Variants in LRRC2 observed in about 807,000 individuals in gnomAD.
LRRC2 encodes the protein leucine rich repeat containing 2.
A neutral mutation model predicts 40.2 loss-of-function variants in LRRC2; 27 were observed. The observed-to-expected ratio is 0.67, with a 90% confidence interval of 0.49 to 0.93. LRRC2 has a LOEUF of 0.93. LRRC2 is among the 40% of genes least tolerant of loss of function. The pLI is 0.00. For missense variants in LRRC2, 402 were observed against 439.6 expected (o/e 0.91, Z 0.76); for synonymous variants, 147 against 158.9 (o/e 0.92, Z 0.56).
chr3:46,534,423 C>CCTTCCTTT (rs1704231521), intron 4 of LRRC2, among the ~76,000 whole-genome samples: 5 of 101,022 alleles, frequency 4.9e-5, no homozygotes, highest in Admixed American at 9.7e-5. Context: ...TTCCTTCCTT[C>CCTTCCTTT]CTTTCTTTCT....
Position 46,527,564 on chromosome 3 carries a change from C to A in LRRC2, c.791G>T (p.Ser264Ile). 1 of 1,614,004 alleles carries A rather than the reference C, an allele frequency of 6.2e-7. No individual in the cohort carries two copies. Among genetic ancestry groups the A allele is most frequent in the African/African-American group, 1.3e-5 (1 of 75,028 alleles). ...CAACTTGTTTTTATACAAGAGAAAG[C>A]TCTGCAGCTCCTCTAGCCTAAGAAG... is the stretch of plus-strand genomic sequence containing the variant. ...QDIDRLEELQ[S>I]FLLYKNKLTY... The change falls in exon 7 of 9, where the codon AGC becomes ATC. Residue 264 changes from serine (S) to isoleucine (I), a missense_variant. Physicochemically the swap from Ser to Ile is moderately radical, Grantham distance 142. Transcript: ENST00000395905.
In LRRC2 at chr3:46,541,344, A is replaced by G. The variant is rs373030828; in HGVS notation, c.334-2143T>C. On this transcript the variant is annotated intron_variant, in intron 3 of 8. Coordinates refer to ENST00000395905, the MANE Select transcript of LRRC2 (RefSeq NM_024512.5). The stretch of plus-strand genomic sequence containing the variant: ...CGAGACTCCGTCTCAAAAAAAAAAA[A>G]AAAAGAAAAGAAAAGAAAAATATTA... Among the ~76,000 whole-genome samples the G allele has an allele frequency of 6.5e-4, 99 of 151,800 alleles. 1 individual carries two copies. Among genetic ancestry groups the G allele is most frequent in the African/African-American group, 1.8e-3 (75 of 41,348 alleles).
At chr3:46,530,617 A>G (rs1704142418) in intron 5 of LRRC2, among the ~76,000 whole-genome samples, 7 of 152,218 alleles carry the variant, frequency 4.6e-5, no homozygotes, top group Admixed American at 4.6e-4. Flanking sequence ...ATAGGTCCAC[A>G]TTGCTGGGGA....
chr3:46,529,710 C>A (rs1170202830), intron 6 of LRRC2, among the ~76,000 whole-genome samples, 195 bp downstream of exon 6: 1 of 152,180 alleles, frequency 6.6e-6, no homozygotes, highest in Non-Finnish European at 1.5e-5. Context: ...TGCACGTAAA[C>A]ACATACATGT....
intron 2 of LRRC2, among the ~76,000 whole-genome samples, chr3:46,546,641 T>C (rs1559416939): frequency 1.3e-5 from 2 of 151,778 alleles, no homozygotes. Context: ...AAATAATTCT[T>C]ATCCATAAAC....
rs954291730 is a variant in LRRC2, at chr3:46,515,471, T to C, written c.*3543A>G. ...CTGCCATGTAAATAACCTTTCCAAA[T>C]TATGTATCAGTCTATTTGCATCATG... On this transcript the variant is annotated 3_prime_UTR_variant, in exon 9 of 9. Transcript: ENST00000395905. 17 of 152,320 alleles carry C rather than the reference T, an allele frequency of 1.1e-4. No individual in the cohort carries two copies. Among genetic ancestry groups the C allele is most frequent in the Admixed American group, 2.0e-4 (3 of 15,296 alleles). 9.4% of individuals were successfully genotyped at this position (152,320 alleles called of 1,614,324 possible).
intron 3 of LRRC2, among the ~76,000 whole-genome samples, chr3:46,540,130 G>A (rs984501310): frequency 6.6e-6 from 1 of 152,246 alleles, no homozygotes; most frequent in Non-Finnish European, 1.5e-5. Context: ...CTTGGTACTT[G>A]TAATGTGCTT....
Position 46,529,961 on chromosome 3 carries a change from C to G in LRRC2, c.717G>C (p.Leu239Phe), listed in dbSNP as rs771012336. ...VPICVLRMSN[L>F]QWLDISSNNL... ...TATTGCTGCTGATATCCAACCACTG[C>G]AAATTCGACATCCGCAGGACACAGA... Residue 239 changes from leucine (L) to phenylalanine (F), a missense_variant, in exon 6 of 9, where the codon TTG (leucine) becomes TTC (phenylalanine). Leu to Phe is a conservative substitution (Grantham distance 22). Coordinates refer to ENST00000395905, the MANE Select transcript of LRRC2 (RefSeq NM_024512.5). 6.2e-7 allele frequency: 1 copy of G among 1,614,032 alleles called. No individual in the cohort carries two copies. The highest frequency in any genetic ancestry group is 1.3e-5 in the African/African-American group (1 of 74,948).
intron 8 of LRRC2, 57 bp from the exon 9 acceptor site, chr3:46,519,120 G>A (rs1703920400): frequency 8.5e-7 from 1 of 1,174,358 alleles, no homozygotes; most frequent in Admixed American, 1.7e-5. Context: ...ATGAAATCTA[G>A]CTACGTGCTA....
At chr3:46,545,277 A>G in intron 2 of LRRC2, 24 bp from the exon 3 acceptor site, 2 of 1,607,876 alleles carry the variant, frequency 1.2e-6, no homozygotes, top group South Asian at 1.1e-5. Flanking sequence ...CAGGGGTCAC[A>G]GTTACTCTCC....
At chr3:46,554,655 AAAG>A (rs1297860635) in intron 1 of LRRC2, among the ~76,000 whole-genome samples, 33 of 150,782 alleles carry the variant, frequency 2.2e-4, no homozygotes, top group Non-Finnish European at 3.5e-4. Context: ...AAAAAAAAAA[AAAG>A]AAGAAGAAGA....
intron 1 of LRRC2, among the ~76,000 whole-genome samples, chr3:46,565,194 G>T (rs565020801): frequency 6.6e-6 from 1 of 152,272 alleles, no homozygotes; most frequent in South Asian, 2.1e-4. Context: ...GGGTCCAGAC[G>T]GGATTAAGAG....
At chr3:46,558,086 A>G (rs1325190082) in intron 1 of LRRC2, 1 of 152,280 alleles carries the variant, frequency 6.6e-6, no homozygotes, top group African/African-American at 2.4e-5. Flanking sequence ...AAGGATGCAA[A>G]GTCGCAAAGG....
chr3:46,525,412 G>C (rs900028180), intron 7 of LRRC2, among the ~76,000 whole-genome samples: 1 of 151,944 alleles, frequency 6.6e-6, no homozygotes, highest in Non-Finnish European at 1.5e-5. Context: ...CACCATGCCT[G>C]GCTAATTTCT....
At chr3:46,520,100 C>A (rs1236333134) in intron 8 of LRRC2, among the ~76,000 whole-genome samples, 1 of 149,028 alleles carries the variant, frequency 6.7e-6, no homozygotes, top group African/African-American at 2.4e-5. Flanking sequence ...TATTTTAAAA[C>A]AAATTAATTT....
At chr3:46,552,347 G>C (rs1704675439) in intron 1 of LRRC2, among the ~76,000 whole-genome samples, 1 of 147,518 alleles carries the variant, frequency 6.8e-6, no homozygotes, top group Admixed American at 6.8e-5. Flanking sequence ...CTCTCAAGTA[G>C]AACGGAATAT....
At chr3:46,520,748 C>T (rs1250661937) in intron 8 of LRRC2, among the ~76,000 whole-genome samples, 1 of 152,206 alleles carries the variant, frequency 6.6e-6, no homozygotes, top group Non-Finnish European at 1.5e-5. Context: ...TGTGGGACAA[C>T]TCTCTTCCTG....
intron 3 of LRRC2, among the ~76,000 whole-genome samples, chr3:46,544,253 T>C (rs1272692546): frequency 6.6e-6 from 1 of 152,112 alleles, no homozygotes; most frequent in Non-Finnish European, 1.5e-5. Context: ...GCGTGGTGGC[T>C]CTTGCCTGTA....
intron 1 of LRRC2, among the ~76,000 whole-genome samples, chr3:46,565,360 C>T (rs1244820922): frequency 6.6e-6 from 1 of 152,160 alleles, no homozygotes; most frequent in East Asian, 1.9e-4. Flanking sequence ...GCGAGAACAT[C>T]ACATAGGATC....
Sources: gnomAD v4.1 joint callset for allele counts (sites outside exome capture counted in the v4.1 genomes callset) on GRCh38, gnomAD v4.1.1 for gene constraint, MANE v1.5 for transcripts, NCBI Gene and HGNC (gene_info 2026-07-23, HGNC 2026-07-21) for gene names.